The following HCN3 variants were observed in gnomAD, a reference collection of about 807,000 sequenced individuals.
HCN3 encodes potassium/sodium hyperpolarization-activated cyclic nucleotide-gated channel 3.
In HCN3, 36 loss-of-function variants were observed where a neutral mutation model predicts 56.8. The ratio of observed to expected loss-of-function variants is 0.63; its 90% CI spans 0.49 to 0.84. The LOEUF (loss-of-function observed/expected upper bound fraction) is 0.84, where lower values mean the gene tolerates loss of function less well. Ranked by LOEUF, HCN3 falls within the 40% of genes least tolerant of loss-of-function variation. The pLI is 0.00. For synonymous variants in HCN3, 425 were observed against 439.7 expected (o/e 0.97, Z 0.42); for missense variants, 930 against 1,079.3 (o/e 0.86, Z 1.94).
Position 155,289,284 on chromosome 1 carries a change from GTTTA to G in HCN3, c.*828_*831del, listed in dbSNP as rs1294354763. 1 of 152,204 alleles carries G rather than the reference GTTTA, an allele frequency of 6.6e-6. No individual in the cohort carries two copies. Among genetic ancestry groups the G allele is most frequent in the Non-Finnish European group, 1.5e-5 (1 of 68,018 alleles). 9.4% of individuals were successfully genotyped at this position (152,204 alleles called of 1,614,324 possible). On this transcript the variant is annotated 3_prime_UTR_variant, in exon 8 of 8. Transcript: ENST00000368358. ...TTGTGTGATATTTTTTTCTTCGCTT[GTTTA>G]TTTATTCATTTATTTAATTGTATTT...
chr1:155,282,618 G>A lies in HCN3; in HGVS notation c.486G>A (p.Arg162=). The change falls in exon 2 of 8, where the codon CGG becomes CGA. Residue 162 remains arginine, a synonymous_variant. Transcript: ENST00000368358. This position sits in a 1 kb window ranked among gnomAD's most constrained non-coding sequence, Gnocchi z 4.7. ...EEGAEILLAP[R]AIRTRYLRTW... ...GTGCTGAGATCCTGCTGGCACCGCG[G>A]GCCATCCGCACGCGCTACCTGCGCA... 6.2e-7 allele frequency: 1 copy of A among 1,614,208 alleles called. No homozygotes were observed. The highest frequency in any genetic ancestry group is 8.5e-7 in the Non-Finnish European group (1 of 1,180,036).
In HCN3 at chr1:155,282,756, C is replaced by A; in HGVS notation, c.624C>A (p.Arg208=). 6.2e-7 allele frequency: 1 copy of A among 1,614,180 alleles called. No homozygotes were observed. Among genetic ancestry groups the A allele is most frequent in the Non-Finnish European group, 8.5e-7 (1 of 1,180,040 alleles). The change falls in exon 2 of 8, where the codon CGC becomes CGA. Residue 208 remains arginine, a synonymous_variant. Coordinates refer to ENST00000368358, the MANE Select transcript of HCN3 (RefSeq NM_020897.3). This position sits in a 1 kb window ranked among gnomAD's most constrained non-coding sequence, Gnocchi z 4.7. ...TCTACAAAACGGCACGGGCCCTACGCATCGTTCGCTTCACCAAGATCCTAA... is the reference window on the plus strand; with the variant it reads ...TCTACAAAACGGCACGGGCCCTACGAATCGTTCGCTTCACCAAGATCCTAA... ...AEVYKTARAL[R]IVRFTKILSL... is the part of the protein sequence containing the mutation.
In HCN3 at chr1:155,287,157, C is replaced by T. The variant is rs764468982; in HGVS notation, c.1478-16C>T. 6.2e-7 allele frequency: 1 copy of T among 1,610,528 alleles called. No homozygotes were observed. The highest frequency in any genetic ancestry group is 2.2e-5 in the East Asian group (1 of 44,878). ...GACAAGGACGGGGTTCTGAAGCTTC[C>T]TCCCAATTTCTGCAGAGATCTGCCT... On this transcript the variant is annotated splice_polypyrimidine_tract_variant and intron_variant, in intron 6 of 7. Transcript: ENST00000368358.
chr1:155,277,629 A>C lies in HCN3; in HGVS notation c.39A>C (p.Glu13Asp). The change falls in exon 1 of 8, where the codon GAA (glutamate) becomes GAC (aspartate). Residue 13 changes from glutamate (E) to aspartate (D), a missense_variant. Coordinates refer to ENST00000368358, the MANE Select transcript of HCN3 (RefSeq NM_020897.3). Reference sequence around the variant, plus strand: ...AGCGGCCGGCGGCGGGGGCCAGCGAAGGGGCGACCCCTGGACTGGAGGCGG... The same window carrying C: ...AGCGGCCGGCGGCGGGGGCCAGCGACGGGGCGACCCCTGGACTGGAGGCGG... Reference protein sequence around the residue: ...AEQRPAAGASEGATPGLEAVP... With the variant: ...AEQRPAAGASDGATPGLEAVP... The C allele has an allele frequency of 1.3e-6, 2 of 1,554,732 alleles. No individual in the cohort carries two copies. Among genetic ancestry groups the C allele is most frequent in the South Asian group, 2.4e-5 (2 of 84,582 alleles).
chr1:155,280,092 G>A (rs1336238494), intron 1 of HCN3, among the ~76,000 whole-genome samples: 2 of 151,460 alleles, frequency 1.3e-5, no homozygotes, highest in African/African-American at 2.4e-5. Flanking sequence ...GATTACAAGC[G>A]CATGCCACCA....
Position 155,287,425 on chromosome 1 carries a change from G to T in HCN3, c.1642+88G>T. 2.0e-6 allele frequency: 3 copies of T among 1,475,714 alleles called. No individual in the cohort carries two copies. The South Asian group carries it at 3.6e-5, about 18-fold the overall frequency. 91.4% of individuals were successfully genotyped at this position (1,475,714 alleles called of 1,614,324 possible). A position where few individuals can be genotyped will look rare whatever the true frequency, so the allele number is the denominator to read the frequency against. On this transcript the variant is annotated intron_variant, in intron 7 of 7. Transcript: ENST00000368358. ...AAGGAGCCCAGGCTTTAGGGCTCCA[G>T]GGTCATATCCCAATCCATTCAGTCC...
chr1:155,287,133 A>C lies in HCN3; in HGVS notation c.1478-40A>C, dbSNP rs1674315517. On this transcript the variant is annotated intron_variant, in intron 6 of 7. Transcript: ENST00000368358. ...AGGCTCAGCAAGAGGAGTTCTGGGG[A>C]CAAGGACGGGGTTCTGAAGCTTCCT... 3.1e-6 allele frequency: 5 copies of C among 1,603,568 alleles called. No homozygotes were observed. In the East Asian group the frequency reaches 1.1e-4, roughly 36 times the overall value.
Position 155,285,636 on chromosome 1 carries a change from G to A in HCN3, c.1237-88G>A, listed in dbSNP as rs919625510. 2.0e-6 allele frequency: 3 copies of A among 1,535,424 alleles called. No homozygotes were observed. The African/African-American group carries it at 4.1e-5, about 21-fold the overall frequency. On this transcript the variant is annotated intron_variant, in intron 5 of 7. Transcript: ENST00000368358. This position sits in a 1 kb window ranked among gnomAD's most constrained non-coding sequence, Gnocchi z 4.5. ...CATCCTTTGGCAGAACATGACCCCA[G>A]GGGTGGGGTTTCTGGAAGCGGATGA...
Position 155,282,766 on chromosome 1 carries a change from T to C in HCN3, c.634T>C (p.Phe212Leu), listed in dbSNP as rs1298815702. The C allele has an allele frequency of 9.9e-6, 16 of 1,614,090 alleles. No individual in the cohort carries two copies. Among genetic ancestry groups the C allele is most frequent in the Non-Finnish European group, 1.3e-5 (15 of 1,180,022 alleles). ...KTARALRIVR[F>L]TKILSLLRLL... is the part of the protein sequence containing the mutation. The stretch of plus-strand genomic sequence containing the variant: ...GGCACGGGCCCTACGCATCGTTCGC[T>C]TCACCAAGATCCTAAGCCTGCTGAG... Residue 212 changes from phenylalanine (F) to leucine (L), a missense_variant, in exon 2 of 8, where the codon TTC (phenylalanine) becomes CTC (leucine). Physicochemically the swap from Phe to Leu is conservative, Grantham distance 22. Coordinates refer to ENST00000368358, the MANE Select transcript of HCN3 (RefSeq NM_020897.3). The surrounding 1 kb of genome is among the most constrained non-coding windows in gnomAD (Gnocchi z 4.7).
At chr1:155,279,415 G>A (rs977895188) in intron 1 of HCN3, among the ~76,000 whole-genome samples, 10 of 152,196 alleles carry the variant, frequency 6.6e-5, no homozygotes, top group African/African-American at 2.4e-4. Context: ...GAGGAGGAAA[G>A]GTATGCAGAA....
At chr1:155,280,246 T>G (rs1673969843) in intron 1 of HCN3, among the ~76,000 whole-genome samples, 1 of 143,202 alleles carries the variant, frequency 7.0e-6, no homozygotes, top group African/African-American at 2.8e-5. Flanking sequence ...CACCGGCAAA[T>G]TTTTATTTAT....
chr1:155,282,330 C>A lies in HCN3; in HGVS notation c.279-81C>A. 7.5e-7 allele frequency: 1 copy of A among 1,342,188 alleles called. No individual in the cohort carries two copies. The highest frequency in any genetic ancestry group is 1.1e-6 in the Non-Finnish European group (1 of 950,208). 83.1% of individuals were successfully genotyped at this position (1,342,188 alleles called of 1,614,324 possible). On this transcript the variant is annotated intron_variant, in intron 1 of 7. Coordinates refer to ENST00000368358, the MANE Select transcript of HCN3 (RefSeq NM_020897.3). The surrounding 1 kb of genome is among the most constrained non-coding windows in gnomAD (Gnocchi z 4.7). Reference sequence around the variant, plus strand: ...ATTGTGTATCTTTGCCCATTCTTGGCCATGTCAGCCTATCTTCTGTCAGTC... The same window carrying A: ...ATTGTGTATCTTTGCCCATTCTTGGACATGTCAGCCTATCTTCTGTCAGTC...
Position 155,285,421 on chromosome 1 carries a change from G to A in HCN3, c.1236+110G>A. The A allele has an allele frequency of 5.0e-6, 7 of 1,403,828 alleles. No homozygotes were observed. The highest frequency in any genetic ancestry group is 5.7e-6 in the Non-Finnish European group (6 of 1,044,666). The allele number at this position is 1,403,828 out of a possible 1,614,324, so 87.0% of individuals were successfully genotyped here. A position where few individuals can be genotyped will look rare whatever the true frequency, so the allele number is the denominator to read the frequency against. ...TCCTATAGGGAATGAGGCCTGCAGAGGGCCCCGTGGGAGGCCAGGTATTTG... is the reference window on the plus strand; with the variant it reads ...TCCTATAGGGAATGAGGCCTGCAGAAGGCCCCGTGGGAGGCCAGGTATTTG... On this transcript the variant is annotated intron_variant, in intron 5 of 7. Transcript: ENST00000368358. This position sits in a 1 kb window ranked among gnomAD's most constrained non-coding sequence, Gnocchi z 4.5.
In HCN3 at chr1:155,285,088, C is replaced by T. The variant is rs936977033; in HGVS notation, c.1090-77C>T. 1.7e-5 allele frequency: 26 copies of T among 1,542,112 alleles called. No individual in the cohort carries two copies. The highest frequency in any genetic ancestry group is 2.2e-5 in the Non-Finnish European group (25 of 1,131,746). ...AGTTTGACCTGTGTCTCTGACCTTC[C>T]GCACACACACCCCACTGTGCCGGCC... On this transcript the variant is annotated intron_variant, in intron 4 of 7. Coordinates refer to ENST00000368358, the MANE Select transcript of HCN3 (RefSeq NM_020897.3). This position sits in a 1 kb window ranked among gnomAD's most constrained non-coding sequence, Gnocchi z 4.5.
rs1410886921 is a variant in HCN3, at chr1:155,285,250, A to C, written c.1175A>C (p.Tyr392Ser). Residue 392 changes from tyrosine to serine, a missense_variant, in exon 5 of 8, where the codon TAC becomes TCC. Tyr to Ser is a moderately radical substitution (Grantham distance 144). Coordinates refer to ENST00000368358, the MANE Select transcript of HCN3 (RefSeq NM_020897.3). The surrounding 1 kb of genome is among the most constrained non-coding windows in gnomAD (Gnocchi z 4.5). ...QRIHEYYEHR[Y>S]QGKMFDEESI... Reference sequence around the variant, plus strand: ...ATCCACGAGTACTATGAGCACCGCTACCAGGGCAAGATGTTCGATGAGGAA... The same window carrying C: ...ATCCACGAGTACTATGAGCACCGCTCCCAGGGCAAGATGTTCGATGAGGAA... 1 of 1,613,924 alleles carries C rather than the reference A, an allele frequency of 6.2e-7. No individual in the cohort carries two copies. The highest frequency in any genetic ancestry group is 1.3e-5 in the African/African-American group (1 of 74,944).
At chr1:155,283,410 A>T (rs988658327) in intron 2 of HCN3, among the ~76,000 whole-genome samples, 3 of 151,612 alleles carry the variant, frequency 2.0e-5, no homozygotes, top group Non-Finnish European at 4.4e-5. Context: ...TATTATTATT[A>T]TTATTTTTAT....
Position 155,284,627 on chromosome 1 carries a change from T to C in HCN3, c.959T>C (p.Val320Ala), listed in dbSNP as rs1199090432. 1 of 1,614,086 alleles carries C rather than the reference T, an allele frequency of 6.2e-7. No individual in the cohort carries two copies. Among genetic ancestry groups the C allele is most frequent in the East Asian group, 2.2e-5 (1 of 44,890 alleles). Residue 320 changes from valine to alanine, a missense_variant, in exon 4 of 8, where the codon GTA (valine) becomes GCA (alanine). Val to Ala is a moderately conservative substitution (Grantham distance 64). Transcript: ENST00000368358. The surrounding 1 kb of genome is among the most constrained non-coding windows in gnomAD (Gnocchi z 4.3). Reference sequence around the variant, plus strand: ...ATTGGCTATGGGCAGCAGGCACCTGTAGGCATGCCCGACGTCTGGCTCACC... The same window carrying C: ...ATTGGCTATGGGCAGCAGGCACCTGCAGGCATGCCCGACGTCTGGCTCACC... ...LCIGYGQQAPVGMPDVWLTML... is the reference protein window; with the variant it reads ...LCIGYGQQAPAGMPDVWLTML...
In HCN3 at chr1:155,282,625, C is replaced by G. The variant is rs748591685; in HGVS notation, c.493C>G (p.Arg165Gly). 1.2e-6 allele frequency: 2 copies of G among 1,614,246 alleles called. No homozygotes were observed. Among genetic ancestry groups the G allele is most frequent in the East Asian group, 2.2e-5 (1 of 44,886 alleles). ...AEILLAPRAIRTRYLRTWFLV... is the reference protein window; with the variant it reads ...AEILLAPRAIGTRYLRTWFLV... The stretch of plus-strand genomic sequence containing the variant: ...GATCCTGCTGGCACCGCGGGCCATC[C>G]GCACGCGCTACCTGCGCACCTGGTT... Residue 165 changes from arginine to glycine, a missense_variant, in exon 2 of 8, where the codon CGC (arginine) becomes GGC (glycine). Transcript: ENST00000368358. The surrounding 1 kb of genome is among the most constrained non-coding windows in gnomAD (Gnocchi z 4.7).
chr1:155,282,395 C>T lies in HCN3; in HGVS notation c.279-16C>T. ...ATATCCTCATGGTCTTACTCCTCATCTCACTCCCACCTTAGGTTTTACTGG... is the reference window on the plus strand; with the variant it reads ...ATATCCTCATGGTCTTACTCCTCATTTCACTCCCACCTTAGGTTTTACTGG... On this transcript the variant is annotated splice_polypyrimidine_tract_variant and intron_variant, in intron 1 of 7. Coordinates refer to ENST00000368358, the MANE Select transcript of HCN3 (RefSeq NM_020897.3). The surrounding 1 kb of genome is among the most constrained non-coding windows in gnomAD (Gnocchi z 4.7). 6.2e-7 allele frequency: 1 copy of T among 1,612,566 alleles called. No homozygotes were observed. The highest frequency in any genetic ancestry group is 8.5e-7 in the Non-Finnish European group (1 of 1,179,030).
Sources: gnomAD v4.1 joint callset for allele counts (sites outside exome capture counted in the v4.1 genomes callset) on GRCh38, gnomAD v4.1.1 for gene constraint, Gnocchi (gnomAD v3.1) non-coding constraint, MANE v1.5 for transcripts, NCBI Gene and HGNC (gene_info 2026-07-23, HGNC 2026-07-21) for gene names.